CEP85L: variants seen among roughly 807,000 people sequenced by gnomAD.
CEP85L encodes centrosomal protein 85L.
In CEP85L, 60 loss-of-function variants were observed where a neutral mutation model predicts 100.3. That is an observed-to-expected ratio of 0.60 (90% confidence interval 0.49 to 0.74). The LOEUF (loss-of-function observed/expected upper bound fraction) is 0.74, where lower values mean the gene tolerates loss of function less well. Ranked by LOEUF, CEP85L falls within the 30% of genes least tolerant of loss-of-function variation. The pLI is 0.00. For missense variants in CEP85L, 973 were observed against 936.2 expected (o/e 1.04, Z -0.51); for synonymous variants, 319 against 322.7 (o/e 0.99, Z 0.12).
At chr6:118,669,701 A>T (rs1236948806) in intron 1 of CEP85L, among the ~76,000 whole-genome samples, 1 of 152,016 alleles carries the variant, frequency 6.6e-6, no homozygotes, top group Non-Finnish European at 1.5e-5. Flanking sequence ...TCATATCCAC[A>T]GTGAATCTAG....
intron 2 of CEP85L, among the ~76,000 whole-genome samples, chr6:118,611,689 A>C (rs1024293071): frequency 6.6e-6 from 1 of 152,190 alleles, no homozygotes; most frequent in Admixed American, 6.5e-5. Context: ...ATTAATGAAA[A>C]AAGCGTGTTA....
chr6:118,683,356 C>T (rs1468699073), intron 1 of CEP85L, among the ~76,000 whole-genome samples: 6 of 152,162 alleles, frequency 3.9e-5, no homozygotes, highest in Admixed American at 3.9e-4. Flanking sequence ...TCTTCCCCCA[C>T]ATTGAATGTT....
chr6:118,625,124 G>C (rs1773701590), intron 2 of CEP85L, among the ~76,000 whole-genome samples: 1 of 152,062 alleles, frequency 6.6e-6, no homozygotes, highest in Non-Finnish European at 1.5e-5. Context: ...AGCCACACAG[G>C]CCTCAAATCT....
At position 118,464,996 on chromosome 6, in the gene CEP85L, C is replaced by T. The variant is rs879090066; in HGVS notation, c.*409G>A. On this transcript the variant is annotated 3_prime_UTR_variant, in exon 13 of 13. Transcript: ENST00000368491. ...CCTTTCTCAGAAGCTCTGCTCTGAC[C>T]CTAGAAACCCTTATAAATTTGTGAA... 2 of 154,826 alleles carry T rather than the reference C, an allele frequency of 1.3e-5. No homozygotes were observed. Among genetic ancestry groups the T allele is most frequent in the Admixed American group, 6.5e-5 (1 of 15,368 alleles). 9.6% of individuals were successfully genotyped at this position (154,826 alleles called of 1,614,324 possible).
intron 1 of CEP85L, chr6:118,646,906 C>A (rs981250253): frequency 3.1e-6 from 3 of 983,282 alleles, no homozygotes; most frequent in Non-Finnish European, 3.6e-6. Context: ...TATCAACTCA[C>A]CATTTATTGC....
chr6:118,632,821 G>A lies in CEP85L; in HGVS notation c.74-210C>T, dbSNP rs537467499. Among the ~76,000 whole-genome samples the A allele has an allele frequency of 4.6e-5, 7 of 152,314 alleles. No homozygotes were observed. The South Asian group carries it at 8.3e-4, about 18-fold the overall frequency. ...TGTGATTACATAGCTTCCTCTAGCT[G>A]AAGAACTCTGTTTTCTGCTTCCGGG... On this transcript the variant is annotated intron_variant, in intron 1 of 12. Coordinates refer to ENST00000368491, the MANE Select transcript of CEP85L (RefSeq NM_001042475.3).
intron 1 of CEP85L, chr6:118,664,345 T>C (rs906253114): frequency 9.2e-5 from 14 of 152,122 alleles, no homozygotes; most frequent in African/African-American, 3.4e-4. Flanking sequence ...GAGACAGATA[T>C]GAAAATAAAC....
At chr6:118,635,004 G>C (rs1223669347) in intron 1 of CEP85L, among the ~76,000 whole-genome samples, 1 of 152,140 alleles carries the variant, frequency 6.6e-6, no homozygotes, top group Non-Finnish European at 1.5e-5. Flanking sequence ...ATAAAAGAAA[G>C]ACTGGTGTCA....
intron 2 of CEP85L, among the ~76,000 whole-genome samples, chr6:118,616,485 T>G (rs530894865): frequency 6.6e-6 from 1 of 151,038 alleles, no homozygotes; most frequent in Non-Finnish European, 1.5e-5. Flanking sequence ...TGAGCCATGA[T>G]AGCACAACTG....
intron 3 of CEP85L, chr6:118,558,915 T>C: frequency 6.2e-7 from 1 of 1,612,908 alleles, no homozygotes; most frequent in Non-Finnish European, 8.5e-7. Context: ...CCTGTCCTGC[T>C]GGTATCATGG....
chr6:118,590,136 A>G (rs1263363249), intron 2 of CEP85L, among the ~76,000 whole-genome samples: 1 of 152,066 alleles, frequency 6.6e-6, no homozygotes, highest in Admixed American at 6.5e-5. Flanking sequence ...AGTCCTGGTC[A>G]AGCCCCCCTC....
chr6:118,644,970 A>G (rs1298564644), intron 1 of CEP85L, among the ~76,000 whole-genome samples: 1 of 152,196 alleles, frequency 6.6e-6, no homozygotes, highest in Non-Finnish European at 1.5e-5. Flanking sequence ...TCTGCCTCAT[A>G]GTAGGCACTC....
chr6:118,512,928 G>A (rs1415469048), intron 4 of CEP85L, among the ~76,000 whole-genome samples: 2 of 152,144 alleles, frequency 1.3e-5, no homozygotes, highest in Admixed American at 1.3e-4. Flanking sequence ...AACTGAAAGT[G>A]AGCTAGAACT....
At chr6:118,701,463 G>T (rs1777404354) in intron 1 of CEP85L, among the ~76,000 whole-genome samples, 1 of 152,200 alleles carries the variant, frequency 6.6e-6, no homozygotes. Flanking sequence ...ACAAGTTCGT[G>T]TCCTTTGCAG....
intron 3 of CEP85L, among the ~76,000 whole-genome samples, chr6:118,542,873 C>T (rs1037859772): frequency 6.2e-4 from 71 of 114,452 alleles, no homozygotes; most frequent in African/African-American, 2.4e-3. Flanking sequence ...CATAACCAAA[C>T]TGAACTTCAA....
intron 2 of CEP85L, among the ~76,000 whole-genome samples, chr6:118,571,960 G>A (rs961400600): frequency 2.0e-5 from 3 of 151,994 alleles, no homozygotes; most frequent in Admixed American, 6.6e-5. Context: ...AGGTTCAAGC[G>A]ATTCTCCTGC....
At chr6:118,531,089 T>C (rs1322923252) in intron 3 of CEP85L, among the ~76,000 whole-genome samples, 1 of 152,170 alleles carries the variant, frequency 6.6e-6, no homozygotes, top group Non-Finnish European at 1.5e-5. Context: ...GGTATAACGT[T>C]ACCCAACTTC....
At chr6:118,502,926 G>A in intron 5 of CEP85L, 3 of 428,698 alleles carry the variant, frequency 7.0e-6, no homozygotes, top group Non-Finnish European at 1.3e-5. Context: ...GGACCTAGTG[G>A]GAGTTGAGGC....
intron 3 of CEP85L, among the ~76,000 whole-genome samples, chr6:118,529,803 T>C (rs778666097): frequency 1.1e-4 from 16 of 152,102 alleles, no homozygotes; most frequent in Non-Finnish European, 1.9e-4. Flanking sequence ...TACATTAATA[T>C]ATGATTGTGG....
Sources: allele counts gnomAD v4.1 joint callset (sites outside exome capture counted in the v4.1 genomes callset), GRCh38; gene constraint gnomAD v4.1.1; transcripts MANE v1.5; gene names NCBI Gene and HGNC (gene_info 2026-07-23, HGNC 2026-07-21).